ZNF324B: variants seen among roughly 807,000 people sequenced by gnomAD.
ZNF324B encodes zinc finger protein 324B.
In ZNF324B, 7 loss-of-function variants were observed where a neutral mutation model predicts 10.6. That is an observed-to-expected ratio of 0.66 (90% CI 0.38 to 1.24). The LOEUF is 1.24. Among genes scored for constraint, ZNF324B ranks in the 50% most tolerant of loss-of-function variants. The probability of loss-of-function intolerance (pLI) is 0.02; values close to 1 mark genes in which losing one functional copy is unlikely to be tolerated. For missense variants in ZNF324B, 640 were observed against 764.7 expected, an observed-to-expected ratio of 0.84 and a Z score of 1.92; for synonymous variants, 316 against 321.0, an observed-to-expected ratio of 0.98 and a Z score of 0.17.
chr19:58,437,996 T>G, the ZNF324B span, among the ~76,000 whole-genome samples: 1 of 152,200 alleles, frequency 6.6e-6, no homozygotes, highest in African/African-American at 2.4e-5. Context: ...CCACCTTGGC[T>G]TGGGGACTCA....
chr19:58,441,435 C>A, the ZNF324B span: 1 of 152,152 alleles, frequency 6.6e-6, no homozygotes, highest in African/African-American at 2.4e-5. Context: ...CAAGATAGAG[C>A]TAATGGAATT....
At chr19:58,433,283 T>C in the ZNF324B span, 2 of 1,571,150 alleles carry the variant, frequency 1.3e-6, no homozygotes, top group Non-Finnish European at 1.7e-6. Context: ...TTGACTTGGC[T>C]GAAGATTTTC....
the ZNF324B span, among the ~76,000 whole-genome samples, chr19:58,420,655 A>C: frequency 2.0e-5 from 3 of 151,388 alleles, no homozygotes; most frequent in Non-Finnish European, 2.9e-5. Flanking sequence ...CCAGCCTCAG[A>C]CTCCCAATGT....
the ZNF324B span, chr19:58,440,000 G>A: frequency 1.6e-6 from 1 of 629,334 alleles, no homozygotes; most frequent in Non-Finnish European, 2.7e-6. Context: ...TCCACTTTCG[G>A]GAACACCTTG....
upstream of ZNF324B, among the ~76,000 whole-genome samples, chr19:58,448,146 C>T (rs2052835968): frequency 6.6e-6 from 1 of 152,150 alleles, no homozygotes; most frequent in South Asian, 2.1e-4. Flanking sequence ...GTGGAGGCAA[C>T]TTTGGAATTG....
At chr19:58,437,287 C>T in the ZNF324B span, 2 of 1,469,454 alleles carry the variant, frequency 1.4e-6, no homozygotes, top group Non-Finnish European at 9.1e-7. Flanking sequence ...AATCCTGATA[C>T]ATCTACCACT....
the ZNF324B span, among the ~76,000 whole-genome samples, chr19:58,421,926 TTTG>T: frequency 1.2e-4 from 18 of 152,086 alleles, no homozygotes; most frequent in African/African-American, 3.4e-4. Flanking sequence ...GTCACTAGGT[TTTG>T]TTGTTGTTGT....
the ZNF324B span, chr19:58,440,156 C>T: frequency 1.5e-4 from 54 of 361,336 alleles, no homozygotes; most frequent in Middle Eastern, 7.2e-4. Context: ...ACCGCAATGG[C>T]GGCGCCGGAA....
the ZNF324B span, chr19:58,443,519 TG>T: frequency 6.6e-6 from 1 of 152,298 alleles, no homozygotes; most frequent in East Asian, 1.9e-4. Flanking sequence ...AGAGGCCTCC[TG>T]TAGCCCAACC....
At chr19:58,433,079 G>A in the ZNF324B span, 1 of 469,166 alleles carries the variant, frequency 2.1e-6, no homozygotes, top group East Asian at 3.1e-5. Context: ...CCATGCATGA[G>A]GACAGGACTG....
the ZNF324B span, chr19:58,435,330 C>G: frequency 8.9e-7 from 1 of 1,122,252 alleles, no homozygotes; most frequent in South Asian, 1.6e-5. Context: ...TGCTGACAGG[C>G]CAACAGGGCC....
chr19:58,424,268 A>AAACAAC, the ZNF324B span, among the ~76,000 whole-genome samples: 5 of 151,804 alleles, frequency 3.3e-5, no homozygotes, highest in Admixed American at 2.0e-4. Context: ...AAAATAAAAC[A>AAACAAC]AACAACAACA....
upstream of ZNF324B, among the ~76,000 whole-genome samples, chr19:58,449,930 G>A (rs929698809): frequency 4.6e-5 from 7 of 152,156 alleles, no homozygotes; most frequent in Non-Finnish European, 8.8e-5. Context: ...ATGTGAGCAC[G>A]AGATTTGGGA....
the ZNF324B span, among the ~76,000 whole-genome samples, chr19:58,420,855 C>T: frequency 6.6e-6 from 1 of 151,410 alleles, no homozygotes; most frequent in Non-Finnish European, 1.5e-5. Flanking sequence ...TTATAGGCAT[C>T]GGCCAGCATG....
the ZNF324B span, chr19:58,444,104 C>A: frequency 1.3e-5 from 2 of 152,234 alleles, no homozygotes; most frequent in African/African-American, 2.4e-5. Flanking sequence ...TCACCTGGTA[C>A]CTGAGTTGTG....
chr19:58,433,929 G>C, the ZNF324B span: 330 of 1,614,004 alleles, frequency 2.0e-4, 4 homozygotes, highest in South Asian at 3.5e-3. Flanking sequence ...GTACTTTCTG[G>C]TGCTGGATGA....
chr19:58,456,024 C>T lies in ZNF324B; in HGVS notation c.1080C>T (p.Arg360=), dbSNP rs892607031. ...ACGGCTCCAACCTCAGCCAGCACCG[C>T]AAGATCCACGCGGGTGGGCGTCCTT... ...FSHGSNLSQH[R]KIHAGGRPYA... Residue 360 remains arginine (R), a synonymous_variant, in exon 4 of 4, where the codon CGC becomes CGT. Coordinates refer to ENST00000336614, the MANE Select transcript of ZNF324B (RefSeq NM_207395.3). This position sits in a 1 kb window ranked among gnomAD's most constrained non-coding sequence, Gnocchi z 4.7. 1.9e-6 allele frequency: 3 copies of T among 1,601,460 alleles called. No homozygotes were observed. The highest frequency in any genetic ancestry group is 2.6e-6 in the Non-Finnish European group (3 of 1,173,042).
chr19:58,433,063 T>C, the ZNF324B span: 32 of 392,002 alleles, frequency 8.2e-5, 1 homozygote, highest in East Asian at 6.8e-4. Flanking sequence ...CAGGGTACTG[T>C]TTTCCCCATG....
chr19:58,456,235 G>A lies in ZNF324B; in HGVS notation c.1291G>A (p.Gly431Ser), dbSNP rs1256454275. ...GEKPFACAQC[G>S]RSFSRSSNLT... ...GAAGCCCTTCGCCTGCGCCCAGTGC[G>A]GCCGCTCCTTTAGCCGCAGCTCCAA... The change falls in exon 4 of 4, where the codon GGC becomes AGC. Residue 431 changes from glycine (G) to serine (S), a missense_variant. Coordinates refer to ENST00000336614, the MANE Select transcript of ZNF324B (RefSeq NM_207395.3). This position sits in a 1 kb window ranked among gnomAD's most constrained non-coding sequence, Gnocchi z 4.7. 1.2e-6 allele frequency: 2 copies of A among 1,613,096 alleles called. No homozygotes were observed. The highest frequency in any genetic ancestry group is 1.1e-5 in the South Asian group (1 of 91,068).
Sources: allele counts gnomAD v4.1 joint callset (sites outside exome capture counted in the v4.1 genomes callset), GRCh38; gene constraint gnomAD v4.1.1; non-coding constraint Gnocchi (gnomAD v3.1); transcripts MANE v1.5; gene names NCBI Gene and HGNC (gene_info 2026-07-23, HGNC 2026-07-21).